MAP3K15: variants seen among roughly 807,000 people sequenced by gnomAD.
MAP3K15 encodes the protein mitogen-activated protein kinase kinase kinase 15, also known as MAPK/ERK kinase kinase 15.
MAP3K15 carries 124 observed loss-of-function variants against 99.5 expected under a neutral mutation model. The ratio of observed to expected loss-of-function variants is 1.25; its 90% confidence interval spans 1.08 to 1.45. MAP3K15 has a LOEUF of 1.45. Among genes scored for constraint, MAP3K15 ranks in the 40% most tolerant of loss-of-function variants. The probability of loss-of-function intolerance (pLI) is 0.00; values close to 1 mark genes in which losing one functional copy is unlikely to be tolerated. For missense variants in MAP3K15, 1,242 were observed against 1,079.7 expected (o/e 1.15, Z -2.11); for synonymous variants, 494 against 439.6 (o/e 1.12, Z -1.55).
At chrX:19,372,894 T>C in intron 21 of MAP3K15, 67 bp from the exon 22 acceptor site, 3 of 1,075,804 alleles carry the variant, frequency 2.8e-6, no homozygotes, top group Non-Finnish European at 2.5e-6. Context: ...TGTGTCATGT[T>C]AGGACGCCCT....
intron 24 of MAP3K15, among the ~76,000 whole-genome samples, chrX:19,369,937 A>G (rs1010758497): frequency 4.5e-5 from 5 of 111,036 alleles, no homozygotes; most frequent in Non-Finnish European, 7.6e-5. Flanking sequence ...AAAGAAAGAA[A>G]TAAGTAGAGC....
intron 3 of MAP3K15, among the ~76,000 whole-genome samples, chrX:19,478,625 G>C (rs1237124359): frequency 2.7e-5 from 3 of 109,814 alleles, no homozygotes; most frequent in African/African-American, 1.0e-4. Context: ...TAATTTATTT[G>C]GATTATAAAG....
intron 19 of MAP3K15, among the ~76,000 whole-genome samples, chrX:19,375,887 G>A (rs2063413606): frequency 8.9e-6 from 1 of 112,371 alleles, no homozygotes; most frequent in Non-Finnish European, 1.9e-5. Context: ...AACACTAAAT[G>A]CTGGGTGAAA....
chrX:19,397,010 G>A (rs1027301133), intron 15 of MAP3K15, among the ~76,000 whole-genome samples: 1 of 107,918 alleles, frequency 9.3e-6, no homozygotes, highest in East Asian at 2.9e-4. Flanking sequence ...AGCGATTCTC[G>A]TGCCTCAGCC....
At chrX:19,417,988 G>C (rs1270038911) in intron 9 of MAP3K15, among the ~76,000 whole-genome samples, 1 of 112,151 alleles carries the variant, frequency 8.9e-6, no homozygotes, top group Non-Finnish European at 1.9e-5. Flanking sequence ...GGTCCTGAGT[G>C]TTAGAAGGAA....
chrX:19,426,818 CAAAAAAAA>C (rs746106862), intron 7 of MAP3K15, among the ~76,000 whole-genome samples: 3 of 21,145 alleles, frequency 1.4e-4, no homozygotes, highest in Admixed American at 6.9e-4. Context: ...AATCTGTCTC[CAAAAAAAA>C]AAAAAAAAAA....
At chrX:19,394,264 G>A (rs1569209042) in intron 16 of MAP3K15, among the ~76,000 whole-genome samples, 1 of 111,492 alleles carries the variant, frequency 9.0e-6, no homozygotes, top group Non-Finnish European at 1.9e-5. Context: ...TTCTCTGCCA[G>A]ACAGAATCCA....
chrX:19,449,815 T>C (rs73193534), intron 6 of MAP3K15, among the ~76,000 whole-genome samples: 2,595 of 109,665 alleles, frequency 0.024, 146 homozygotes, highest in Non-Finnish European at 0.037. Context: ...TTCTATAAAT[T>C]TCTCTTAAGA....
intron 8 of MAP3K15, among the ~76,000 whole-genome samples, chrX:19,425,968 A>C (rs971644822): frequency 2.7e-5 from 3 of 110,628 alleles, no homozygotes; most frequent in African/African-American, 9.9e-5. Flanking sequence ...AAAATACAAA[A>C]AAAATTAGCT....
rs752013972 is a variant in MAP3K15 at position 19,426,339 on chromosome X, G to A, written c.1171C>T (p.Arg391Cys). ...GATGACTGGAGTTCAAACCCTTTGC[G>A]ATACCTATAATTACAGAACCACCAA... ...TSRDSAIEWY[R>C]KGFELQSSLY... Residue 391 changes from arginine (R) to cysteine (C), a missense_variant, in exon 8 of 29, where the codon CGC becomes TGC. Coordinates refer to ENST00000338883, the MANE Select transcript of MAP3K15 (RefSeq NM_001001671.4). 28 of 1,068,734 alleles carry A rather than the reference G, an allele frequency of 2.6e-5. No homozygotes were observed. The Admixed American group carries it at 3.4e-4, about 13-fold the overall frequency. 88.1% of individuals were successfully genotyped at this position (1,068,734 alleles called of 1,213,427 possible). A position where few individuals can be genotyped will look rare whatever the true frequency, so the allele number is the denominator to read the frequency against.
At chrX:19,495,977 G>A (rs145714095) in intron 1 of MAP3K15, among the ~76,000 whole-genome samples, 81 of 110,400 alleles carry the variant, frequency 7.3e-4, no homozygotes, top group African/African-American at 2.5e-3. Flanking sequence ...AAATACATGG[G>A]TATTGATATC....
intron 13 of MAP3K15, among the ~76,000 whole-genome samples, chrX:19,406,445 C>A (rs145933063): frequency 2.7e-5 from 3 of 111,880 alleles, no homozygotes; most frequent in Non-Finnish European, 5.6e-5. Flanking sequence ...AAAAAAATTA[C>A]GCTAAGTGAA....
chrX:19,368,295 A>T (rs763613743), intron 25 of MAP3K15, among the ~76,000 whole-genome samples: 1 of 111,485 alleles, frequency 9.0e-6, no homozygotes, highest in African/African-American at 3.3e-5. Flanking sequence ...GGCGTGCGCC[A>T]CCATACCTGG....
Position 19,398,254 on chromosome X carries a change from T to G in MAP3K15, c.2038A>C (p.Ile680Leu). The change falls in exon 15 of 29, where the codon ATC (isoleucine) becomes CTC (leucine). Residue 680 changes from isoleucine (I) to leucine (L), a missense_variant. By Grantham distance (5) the Ile-to-Leu change is conservative. Coordinates refer to ENST00000338883, the MANE Select transcript of MAP3K15 (RefSeq NM_001001671.4). ...RDLSNQVRIA[I>L]KEIPERDSRY... ...CTATCTCTCTCCGGGATTTCTTTGA[T>G]GGCTATTCGCACTTGATTGCTCAGA... 1.7e-6 allele frequency: 2 copies of G among 1,211,478 alleles called. No individual in the cohort carries two copies. The highest frequency in any genetic ancestry group is 2.2e-6 in the Non-Finnish European group (2 of 895,485).
intron 6 of MAP3K15, among the ~76,000 whole-genome samples, chrX:19,443,022 CTTTTTT>C (rs35963207): frequency 1.1e-3 from 19 of 17,240 alleles, no homozygotes; most frequent in African/African-American, 4.6e-3. Flanking sequence ...CCATGCCCGG[CTTTTTT>C]TTTTTTTTTT....
intron 3 of MAP3K15, chrX:19,466,664 A>G (rs1354624182): frequency 8.9e-6 from 1 of 112,460 alleles, no homozygotes; most frequent in Non-Finnish European, 1.9e-5. Context: ...ACTAATACAC[A>G]CCTGAAATTG....
intron 1 of MAP3K15, among the ~76,000 whole-genome samples, chrX:19,490,708 CA>C (rs1380178005): frequency 9.2e-6 from 1 of 108,301 alleles, no homozygotes; most frequent in African/African-American, 3.4e-5. Flanking sequence ...GTGATCATGC[CA>C]CTGCTCTCCA....
intron 3 of MAP3K15, among the ~76,000 whole-genome samples, chrX:19,477,464 G>A (rs1179182487): frequency 9.0e-6 from 1 of 111,141 alleles, no homozygotes; most frequent in Admixed American, 9.5e-5. Context: ...GGCACTTTGG[G>A]AGGCCAAGGC....
chrX:19,413,902 A>G (rs111957505), intron 10 of MAP3K15, among the ~76,000 whole-genome samples: 2,998 of 108,734 alleles, frequency 0.028, 112 homozygotes, highest in African/African-American at 0.093. Context: ...ATCGGGAGAG[A>G]AGGAGGAGGG....
Sources: allele counts gnomAD v4.1 joint callset (sites outside exome capture counted in the v4.1 genomes callset), GRCh38; gene constraint gnomAD v4.1.1; transcripts MANE v1.5; gene names NCBI Gene and HGNC (gene_info 2026-07-23, HGNC 2026-07-21).